APOH: variants seen among roughly 807,000 people sequenced by gnomAD.
APOH encodes the protein apolipoprotein H, also known as beta-2-glycoprotein 1.
APOH carries 48 observed loss-of-function variants against 39.8 expected under a neutral mutation model. That is an observed-to-expected ratio of 1.21 (90% confidence interval 0.96 to 1.54). The LOEUF is 1.54. Ranked by LOEUF, APOH falls within the 40% of genes most tolerant of loss-of-function variation. The probability of loss-of-function intolerance (pLI) is 0.00; values close to 1 mark genes in which losing one functional copy is unlikely to be tolerated. For synonymous variants in APOH, 153 were observed against 151.1 expected (o/e 1.01, Z -0.09); for missense variants, 415 against 421.2 (o/e 0.99, Z 0.13).
intron 7 of APOH, among the ~76,000 whole-genome samples, chr17:66,213,386 G>C (rs1598548691): frequency 6.6e-6 from 1 of 152,262 alleles, no homozygotes; most frequent in South Asian, 2.1e-4. Flanking sequence ...TGGATACTTT[G>C]CTCTAATGGA....
At chr17:66,220,862 A>T in intron 4 of APOH, 120 bp from the exon 5 acceptor site, 1 of 1,075,232 alleles carries the variant, frequency 9.3e-7, no homozygotes, top group South Asian at 1.7e-5. Flanking sequence ...TGATCAAATT[A>T]GCAGGGTAAA....
At chr17:66,227,989 G>T in intron 2 of APOH, 31 bp downstream of exon 2, 1 of 1,592,650 alleles carries the variant, frequency 6.3e-7, no homozygotes, top group Non-Finnish European at 8.6e-7. Flanking sequence ...CCAAATGAGG[G>T]AAGAGAATGT....
In APOH at chr17:66,229,298, A is replaced by G; in HGVS notation, c.64+18T>C. On this transcript the variant is annotated intron_variant, in intron 1 of 7. Coordinates refer to ENST00000205948, the MANE Select transcript of APOH (RefSeq NM_000042.3). Reference sequence around the variant, plus strand: ...GTTGGATATATTAATTATTTTTTCAAAAGCAAAAAGTACTTACTCCGTCCT... The same window carrying G: ...GTTGGATATATTAATTATTTTTTCAGAAGCAAAAAGTACTTACTCCGTCCT... 6.2e-7 allele frequency: 1 copy of G among 1,608,748 alleles called. No homozygotes were observed. Among genetic ancestry groups the G allele is most frequent in the South Asian group, 1.1e-5 (1 of 90,564 alleles).
rs191539180 is a variant in APOH, at chr17:66,226,271, C to T, written c.242-147G>A. On this transcript the variant is annotated intron_variant, in intron 2 of 7. Transcript: ENST00000205948. ...TTCAATAACTTTACTGGTAACTATT[C>T]TAAGAAAGCAATTCAAAATAAGACA... 2.0e-4 allele frequency: 122 copies of T among 621,916 alleles called. No homozygotes were observed. In the Middle Eastern group the frequency reaches 2.5e-3, roughly 13 times the overall value. 38.5% of individuals were successfully genotyped at this position (621,916 alleles called of 1,614,324 possible). A position where few individuals can be genotyped will look rare whatever the true frequency, so the allele number is the denominator to read the frequency against.
chr17:66,220,197 G>A (rs1381081720), intron 5 of APOH, among the ~76,000 whole-genome samples: 5 of 152,182 alleles, frequency 3.3e-5, no homozygotes, highest in Admixed American at 2.0e-4. Flanking sequence ...TCGCTGAAAT[G>A]TCCAGCTGTC....
chr17:66,226,004 G>C, intron 3 of APOH, 24 bp downstream of exon 3: 1 of 1,535,538 alleles, frequency 6.5e-7, no homozygotes, highest in Non-Finnish European at 9.0e-7. Flanking sequence ...TCTGTTAACT[G>C]CTTAGTTCCA....
intron 4 of APOH, 81 bp from the exon 5 acceptor site, chr17:66,220,823 C>A: frequency 7.4e-7 from 1 of 1,348,828 alleles, no homozygotes; most frequent in South Asian, 1.5e-5. Context: ...AAAAAAAAAC[C>A]CTAAGGATAA....
At chr17:66,227,288 A>G (rs974703848) in intron 2 of APOH, among the ~76,000 whole-genome samples, 2 of 152,202 alleles carry the variant, frequency 1.3e-5, no homozygotes, top group African/African-American at 4.8e-5. Context: ...AACTTGCATG[A>G]ACATGCATAA....
chr17:66,226,936 T>C (rs8178830), intron 2 of APOH, among the ~76,000 whole-genome samples: 10,946 of 151,932 alleles, frequency 0.072, 406 homozygotes, highest in African/African-American at 0.094. Context: ...CTGCCCAGGC[T>C]GGAGTGCAGT....
chr17:66,223,351 G>C (rs1408855115), intron 4 of APOH, among the ~76,000 whole-genome samples: 1 of 101,328 alleles, frequency 9.9e-6, no homozygotes, highest in Non-Finnish European at 1.9e-5. Context: ...AGTTCCTCTA[G>C]TTAAGTGGTG....
At chr17:66,228,727 G>A (rs2073454836) in intron 1 of APOH, 1 of 151,952 alleles carries the variant, frequency 6.6e-6, no homozygotes, top group Non-Finnish European at 1.5e-5. Flanking sequence ...AGTGAACCCA[G>A]GAGGCGGAGC....
chr17:66,221,858 G>A (rs1226741977), intron 4 of APOH, among the ~76,000 whole-genome samples: 1 of 152,132 alleles, frequency 6.6e-6, no homozygotes, highest in Non-Finnish European at 1.5e-5. Context: ...GATTTACCTT[G>A]ACTTCCCTAG....
At chr17:66,220,498 T>C in intron 5 of APOH, 56 bp downstream of exon 5, 4 of 1,548,580 alleles carry the variant, frequency 2.6e-6, no homozygotes, top group Non-Finnish European at 3.5e-6. Context: ...TTTCAATACC[T>C]TTCACAAATG....
Position 66,214,376 on chromosome 17 carries a change from A to G in APOH, c.982+77T>C, listed in dbSNP as rs1305955331. The G allele has an allele frequency of 4.2e-6, 6 of 1,418,918 alleles. No homozygotes were observed. In the East Asian group the frequency reaches 1.1e-4, roughly 27 times the overall value. 87.9% of individuals were successfully genotyped at this position (1,418,918 alleles called of 1,614,324 possible). A position where few individuals can be genotyped will look rare whatever the true frequency, so the allele number is the denominator to read the frequency against. On this transcript the variant is annotated intron_variant, in intron 7 of 7. Coordinates refer to ENST00000205948, the MANE Select transcript of APOH (RefSeq NM_000042.3). ...ACCTGGCCTCATCTGGTTTTTGACA[A>G]TCATTATAGAACAAAGGCTCTGATT...
intron 5 of APOH, among the ~76,000 whole-genome samples, chr17:66,219,787 C>T (rs569831300): frequency 3.9e-5 from 6 of 152,132 alleles, no homozygotes; most frequent in South Asian, 2.1e-4. Context: ...AGTATGGTGA[C>T]GGGCACCTGT....
intron 3 of APOH, among the ~76,000 whole-genome samples, chr17:66,224,359 G>A (rs777659739): frequency 5.3e-5 from 8 of 150,492 alleles, no homozygotes; most frequent in Non-Finnish European, 1.2e-4. Context: ...AGCTACTCGA[G>A]AGGTAGAGGT....
At position 66,214,732 on chromosome 17, in the gene APOH, A is replaced by T; in HGVS notation, c.785-82T>A. On this transcript the variant is annotated intron_variant, in intron 6 of 7. Transcript: ENST00000205948. The stretch of plus-strand genomic sequence containing the variant: ...GAGAGTATAGCATTTGAAACAGTAG[A>T]TGAGTACACCTACACAAATTGGTCA... 13 of 1,198,258 alleles carry T rather than the reference A, an allele frequency of 1.1e-5. No individual in the cohort carries two copies. The South Asian group carries it at 1.5e-4, about 14-fold the overall frequency. The allele number at this position is 1,198,258 out of a possible 1,614,324, so 74.2% of individuals were successfully genotyped here. A position where few individuals can be genotyped will look rare whatever the true frequency, so the allele number is the denominator to read the frequency against.
intron 5 of APOH, 36 bp downstream of exon 5, chr17:66,220,518 C>G: frequency 6.3e-7 from 1 of 1,592,758 alleles, no homozygotes; most frequent in Non-Finnish European, 8.6e-7. Flanking sequence ...GGGATCTTGC[C>G]CTACCATGCG....
chr17:66,224,470 T>TAAAAAAA (rs760150264), intron 3 of APOH, among the ~76,000 whole-genome samples: 70 of 42,900 alleles, frequency 1.6e-3, no homozygotes, highest in East Asian at 5.2e-3. Context: ...GAAGATCCTG[T>TAAAAAAA]AAAAAAAAAA....
Sources: allele counts gnomAD v4.1 joint callset (sites outside exome capture counted in the v4.1 genomes callset), GRCh38; gene constraint gnomAD v4.1.1; transcripts MANE v1.5; gene names NCBI Gene and HGNC (gene_info 2026-07-23, HGNC 2026-07-21).